RAD52: variants seen among roughly 807,000 people sequenced by gnomAD.
RAD52 encodes the protein RAD52 DNA repair protein.
Under a neutral mutation model 55.5 loss-of-function variants are expected in RAD52, and 47 were observed. That is an observed-to-expected ratio of 0.85 (90% CI 0.67 to 1.08). The LOEUF is 1.08. Ranked by LOEUF, RAD52 falls within the 50% of genes least tolerant of loss-of-function variation. The probability of loss-of-function intolerance (pLI) is 0.00; values close to 1 mark genes in which losing one functional copy is unlikely to be tolerated. For synonymous variants in RAD52, 184 were observed against 198.9 expected, an observed-to-expected ratio of 0.92 and a Z score of 0.63; for missense variants, 468 against 522.8, an observed-to-expected ratio of 0.90 and a Z score of 1.02.
In RAD52 at chr12:933,064, T is replaced by C; in HGVS notation, c.-6A>G. The C allele has an allele frequency of 1.2e-6, 2 of 1,610,912 alleles. No individual in the cohort carries two copies. The highest frequency in any genetic ancestry group is 1.3e-5 in the African/African-American group (1 of 74,924). ...GCTTCCTCAGTCCCAGACATCTTGA[T>C]TCTGGTTGACCTCTATATAAATAAA... is the stretch of plus-strand genomic sequence containing the variant. On this transcript the variant is annotated 5_prime_UTR_variant, in exon 2 of 12. Transcript: ENST00000358495.
chr12:964,550 C>A (rs534146851), intron 1 of RAD52, among the ~76,000 whole-genome samples: 1 of 151,930 alleles, frequency 6.6e-6, no homozygotes, highest in South Asian at 2.1e-4. Flanking sequence ...CTCAAAACAA[C>A]AACAACACAA....
At chr12:932,861 A>C in intron 2 of RAD52, 114 bp downstream of exon 2, 1 of 698,526 alleles carries the variant, frequency 1.4e-6, no homozygotes, top group Non-Finnish European at 2.6e-6. Flanking sequence ...CACACGTACT[A>C]GGTAAACGTA....
intron 1 of RAD52, among the ~76,000 whole-genome samples, chr12:981,647 C>T (rs142962722): frequency 0.011 from 1,638 of 151,972 alleles, 34 homozygotes; most frequent in African/African-American, 0.037. Context: ...ATCCCAGCTA[C>T]TCAGGAGGCT....
At chr12:986,938 T>C (rs1959094053) in intron 1 of RAD52, among the ~76,000 whole-genome samples, 1 of 152,120 alleles carries the variant, frequency 6.6e-6, no homozygotes, top group Non-Finnish European at 1.5e-5. Context: ...TCCCTCATTT[T>C]GCTTGAGCAC....
intron 1 of RAD52, among the ~76,000 whole-genome samples, chr12:939,965 T>C (rs1957836450): frequency 6.6e-6 from 1 of 151,736 alleles, no homozygotes; most frequent in African/African-American, 2.4e-5. Flanking sequence ...ATCCCAGCTA[T>C]TCGGGAGGCT....
At chr12:923,236 C>T (rs1162897273) in intron 7 of RAD52, among the ~76,000 whole-genome samples, 2 of 151,620 alleles carry the variant, frequency 1.3e-5, no homozygotes, top group Non-Finnish European at 2.9e-5. Context: ...AAAAAAAGCC[C>T]CCAAAAAAAG....
intron 1 of RAD52, among the ~76,000 whole-genome samples, chr12:944,437 G>C (rs1021591836): frequency 6.6e-6 from 1 of 151,304 alleles, no homozygotes; most frequent in Non-Finnish European, 1.5e-5. Context: ...CACTTGAGCG[G>C]GGGCGAGGAA....
At chr12:986,312 C>A (rs1365142605) in intron 1 of RAD52, among the ~76,000 whole-genome samples, 1 of 151,928 alleles carries the variant, frequency 6.6e-6, no homozygotes, top group Admixed American at 6.6e-5. Context: ...AATCCTTCTG[C>A]CTCAGTTTCC....
intron 1 of RAD52, among the ~76,000 whole-genome samples, chr12:941,883 C>T (rs1015412467): frequency 2.0e-5 from 3 of 152,136 alleles, no homozygotes; most frequent in Admixed American, 6.5e-5. Flanking sequence ...CTGATCTGCC[C>T]GCTGCAGACT....
At chr12:944,026 G>A (rs1200335120) in intron 1 of RAD52, among the ~76,000 whole-genome samples, 4 of 151,950 alleles carry the variant, frequency 2.6e-5, no homozygotes, top group African/African-American at 9.7e-5. Flanking sequence ...GACCAGCCTG[G>A]CCAACATCAT....
intron 1 of RAD52, among the ~76,000 whole-genome samples, chr12:983,406 G>C (rs935644260): frequency 1.4e-4 from 16 of 115,938 alleles, no homozygotes; most frequent in African/African-American, 4.8e-4. Flanking sequence ...GTTTTTTCCT[G>C]AAGATTTTTT....
At chr12:972,279 T>C (rs191882086) in intron 1 of RAD52, among the ~76,000 whole-genome samples, 41 of 151,352 alleles carry the variant, frequency 2.7e-4, no homozygotes, top group East Asian at 1.2e-3. Flanking sequence ...CACACACACA[T>C]ATATATATAA....
At chr12:988,638 A>T (rs1959120691) in intron 1 of RAD52, among the ~76,000 whole-genome samples, 1 of 152,220 alleles carries the variant, frequency 6.6e-6, no homozygotes, top group African/African-American at 2.4e-5. Flanking sequence ...TGCTGCATCA[A>T]GACATGGCGG....
At chr12:958,010 G>A (rs1264672265) in intron 1 of RAD52, among the ~76,000 whole-genome samples, 1 of 152,226 alleles carries the variant, frequency 6.6e-6, no homozygotes, top group Non-Finnish European at 1.5e-5. Context: ...ACTGGGGGCT[G>A]CAGGATCTGT....
At chr12:915,840 G>A (rs1486991407) in intron 9 of RAD52, among the ~76,000 whole-genome samples, 1 of 152,122 alleles carries the variant, frequency 6.6e-6, no homozygotes, top group Non-Finnish European at 1.5e-5. Flanking sequence ...TCAGCCTCCC[G>A]AGTAGGGGGG....
intron 1 of RAD52, among the ~76,000 whole-genome samples, chr12:944,618 A>C (rs1336418585): frequency 1.3e-5 from 2 of 148,352 alleles, no homozygotes; most frequent in African/African-American, 2.4e-5. Flanking sequence ...TAAAAAAAAA[A>C]AAAAAAAAAA....
chr12:965,680 G>A (rs577170075), intron 1 of RAD52, among the ~76,000 whole-genome samples: 44 of 151,294 alleles, frequency 2.9e-4, no homozygotes, highest in African/African-American at 1.1e-3. Flanking sequence ...TGTAGTTGTT[G>A]TTTGTTTGCT....
intron 7 of RAD52, among the ~76,000 whole-genome samples, chr12:917,706 A>G (rs1211473181): frequency 1.5e-5 from 2 of 132,194 alleles, no homozygotes; most frequent in Non-Finnish European, 3.2e-5. Flanking sequence ...TGGCAAAAAT[A>G]CAAAAATACA....
rs531035480 is a variant in RAD52 at position 947,283 on chromosome 12, G to A, written c.-19+2319C>T. On this transcript the variant is annotated intron_variant, in intron 1 of 11. Coordinates refer to ENST00000358495, the MANE Select transcript of RAD52 (RefSeq NM_134424.4). ...AGAAGTGGCAGTGAGTCAAGATCTC[G>A]CCACTGCAGTCCAGCCTGGGCAACA... 9.9e-5 allele frequency among the ~76,000 whole-genome samples: 15 copies of A among 152,006 alleles called. No homozygotes were observed. In the East Asian group the frequency reaches 2.5e-3, roughly 26 times the overall value.
Sources: allele counts gnomAD v4.1 joint callset (sites outside exome capture counted in the v4.1 genomes callset), GRCh38; gene constraint gnomAD v4.1.1; transcripts MANE v1.5; gene names NCBI Gene and HGNC (gene_info 2026-07-23, HGNC 2026-07-21).